Variants in LY6G6C observed in about 807,000 individuals in gnomAD.
The protein encoded by LY6G6C is lymphocyte antigen 6 complex locus protein G6c.
LY6G6C carries 12 observed loss-of-function variants against 12.8 expected under a neutral mutation model. The observed-to-expected ratio is 0.94, with a 90% CI of 0.60 to 1.52. The LOEUF (loss-of-function observed/expected upper bound fraction) is 1.52, where lower values mean the gene tolerates loss of function less well. Among genes scored for constraint, LY6G6C ranks in the 40% most tolerant of loss-of-function variants. The probability of loss-of-function intolerance (pLI) is 0.00; values close to 1 mark genes in which losing one functional copy is unlikely to be tolerated. For synonymous variants in LY6G6C, 42 were observed against 61.6 expected, an observed-to-expected ratio of 0.68 and a Z score of 1.49; for missense variants, 125 against 155.8, an observed-to-expected ratio of 0.80 and a Z score of 1.05.
chr6:31,719,448 C>T, intron 2 of LY6G6C, 138 bp from the exon 3 acceptor site: 2 of 692,056 alleles, frequency 2.9e-6, no homozygotes, highest in Non-Finnish European at 5.1e-6. Flanking sequence ...TTTTCTTAGT[C>T]TGATCTTCCT....
At position 31,718,707 on chromosome 6, in the gene LY6G6C, T is replaced by C. The variant is rs994351015; in HGVS notation, c.*389A>G. On this transcript the variant is annotated 3_prime_UTR_variant, in exon 3 of 3. Coordinates refer to ENST00000375819, the MANE Select transcript of LY6G6C (RefSeq NM_025261.3). ...AGGTGAGTATGGGGGATGGGGTACA[T>C]ATGGGAGCCTGGGTTTGGGGAGTCA... The C allele has an allele frequency of 3.7e-6, 1 of 273,816 alleles. No homozygotes were observed. The highest frequency in any genetic ancestry group is 6.9e-6 in the Non-Finnish European group (1 of 144,896). The allele number at this position is 273,816 out of a possible 1,614,324, so 17.0% of individuals were successfully genotyped here. A position where few individuals can be genotyped will look rare whatever the true frequency, so the allele number is the denominator to read the frequency against.
Position 31,719,281 on chromosome 6 carries a change from A to G in LY6G6C, c.193T>C (p.Cys65Arg), listed in dbSNP as rs1488878633. The stretch of plus-strand genomic sequence containing the variant: ...TGACAGGGCTCTTCTGGTGTGCCAC[A>G]GCGCAGATTGGAGAAAACCCACATC... ...GKMWVFSNLR[C>R]GTPEEPCQEA... The change falls in exon 3 of 3, where the codon TGT (cysteine) becomes CGT (arginine). Residue 65 changes from cysteine to arginine, a missense_variant. Coordinates refer to ENST00000375819, the MANE Select transcript of LY6G6C (RefSeq NM_025261.3). The G allele has an allele frequency of 5.6e-6, 9 of 1,614,176 alleles. No individual in the cohort carries two copies. In the East Asian group the frequency reaches 1.3e-4, roughly 24 times the overall value.
intron 1 of LY6G6C, 92 bp downstream of exon 1, chr6:31,721,536 C>A (rs1806783623): frequency 1.6e-6 from 2 of 1,218,898 alleles, no homozygotes; most frequent in South Asian, 1.3e-5. Flanking sequence ...GTGTTGGGAT[C>A]CCGAGTGGTG....
At position 31,718,690 on chromosome 6, in the gene LY6G6C, A is replaced by C; in HGVS notation, c.*406T>G. 1 of 240,248 alleles carries C rather than the reference A, an allele frequency of 4.2e-6. No individual in the cohort carries two copies. Among genetic ancestry groups the C allele is most frequent in the Admixed American group, 5.1e-5 (1 of 19,624 alleles). The allele number at this position is 240,248 out of a possible 1,614,324, so 14.9% of individuals were successfully genotyped here. Reference sequence around the variant, plus strand: ...TTACTCAAAATGGAAAGAGGTGAGTATGGGGGATGGGGTACATATGGGAGC... The same window carrying C: ...TTACTCAAAATGGAAAGAGGTGAGTCTGGGGGATGGGGTACATATGGGAGC... On this transcript the variant is annotated 3_prime_UTR_variant, in exon 3 of 3. Coordinates refer to ENST00000375819, the MANE Select transcript of LY6G6C (RefSeq NM_025261.3).
chr6:31,719,964 C>T (rs1806696155), intron 2 of LY6G6C, 129 bp downstream of exon 2: 5 of 644,214 alleles, frequency 7.8e-6, no homozygotes, highest in Non-Finnish European at 2.8e-6. Context: ...ACACAACCAT[C>T]TTTGGCCAAA....
At chr6:31,719,430 C>G (rs1191846098) in intron 2 of LY6G6C, 120 bp from the exon 3 acceptor site, 8 of 779,838 alleles carry the variant, frequency 1.0e-5, no homozygotes, top group Non-Finnish European at 1.7e-5. Context: ...CCTGGCCCTC[C>G]CCTTCTCTTT....
In LY6G6C at chr6:31,720,345, C is replaced by T; in HGVS notation, c.53-142G>A. Reference sequence around the variant, plus strand: ...GTTTGGCTGTTTGGTCTAGCAAGCACAGAGCAGGTGAGTGATGCAGGGAAA... The same window carrying T: ...GTTTGGCTGTTTGGTCTAGCAAGCATAGAGCAGGTGAGTGATGCAGGGAAA... On this transcript the variant is annotated intron_variant, in intron 1 of 2. Transcript: ENST00000375819. This position sits in a 1 kb window ranked among gnomAD's most constrained non-coding sequence, Gnocchi z 4.9. 1.6e-6 allele frequency: 1 copy of T among 625,684 alleles called. No individual in the cohort carries two copies. 38.8% of individuals were successfully genotyped at this position (625,684 alleles called of 1,614,324 possible). A position where few individuals can be genotyped will look rare whatever the true frequency, so the allele number is the denominator to read the frequency against.
rs770152716 is a variant in LY6G6C at position 31,720,204 on chromosome 6, C to A, written c.53-1G>T. 6.2e-7 allele frequency: 1 copy of A among 1,610,974 alleles called. No homozygotes were observed. The highest frequency in any genetic ancestry group is 1.7e-5 in the Admixed American group (1 of 59,992). ...TAGCAGGAGTGACAGCGAATGTCAG[C>A]TGGGAAGACACAAGTCAGGCTGAGG... On this transcript the variant is annotated splice_acceptor_variant, in intron 1 of 2. Coordinates refer to ENST00000375819, the MANE Select transcript of LY6G6C (RefSeq NM_025261.3). LOFTEE classifies it high-confidence loss of function. This position sits in a 1 kb window ranked among gnomAD's most constrained non-coding sequence, Gnocchi z 4.9.
chr6:31,718,740 A>T lies in LY6G6C; in HGVS notation c.*356T>A, dbSNP rs1011914488. 1.3e-5 allele frequency: 5 copies of T among 381,372 alleles called. No individual in the cohort carries two copies. Among genetic ancestry groups the T allele is most frequent in the Non-Finnish European group, 2.4e-5 (5 of 209,516 alleles). The allele number at this position is 381,372 out of a possible 1,614,324, so 23.6% of individuals were successfully genotyped here. On this transcript the variant is annotated 3_prime_UTR_variant, in exon 3 of 3. Transcript: ENST00000375819. ...CCTGGGTTTGGGGAGTCAGCTCTGT[A>T]CAGTGAGGTCATCAGGTCCTTGTGG...
rs1806651409 is a variant in LY6G6C at position 31,719,256 on chromosome 6, T to C, written c.218A>G (p.Gln73Arg). 1 of 1,614,194 alleles carries C rather than the reference T, an allele frequency of 6.2e-7. No homozygotes were observed. The highest frequency in any genetic ancestry group is 8.5e-7 in the Non-Finnish European group (1 of 1,180,014). Residue 73 changes from glutamine to arginine, a missense_variant, in exon 3 of 3, where the codon CAG becomes CGG. Gln to Arg is a conservative substitution (Grantham distance 43). Coordinates refer to ENST00000375819, the MANE Select transcript of LY6G6C (RefSeq NM_025261.3). Reference sequence around the variant, plus strand: ...GCGGTTGGTTTGGTTGAAGGCCTCCTGACAGGGCTCTTCTGGTGTGCCACA... The same window carrying C: ...GCGGTTGGTTTGGTTGAAGGCCTCCCGACAGGGCTCTTCTGGTGTGCCACA... Reference protein sequence around the residue: ...LRCGTPEEPCQEAFNQTNRKL... With the variant: ...LRCGTPEEPCREAFNQTNRKL...
At position 31,720,021 on chromosome 6, in the gene LY6G6C, C is replaced by T. The variant is rs1397359773; in HGVS notation, c.163+72G>A. 4 of 976,084 alleles carry T rather than the reference C, an allele frequency of 4.1e-6. No individual in the cohort carries two copies. The highest frequency in any genetic ancestry group is 6.5e-6 in the Non-Finnish European group (4 of 614,936). 60.5% of individuals were successfully genotyped at this position (976,084 alleles called of 1,614,324 possible). On this transcript the variant is annotated intron_variant, in intron 2 of 2. Coordinates refer to ENST00000375819, the MANE Select transcript of LY6G6C (RefSeq NM_025261.3). The surrounding 1 kb of genome is among the most constrained non-coding windows in gnomAD (Gnocchi z 4.9). ...CTGCTTCTCCATCTCAGTCTTAGAC[C>T]CATTTGGGCCTCAGTCCTGGTCATA...
At position 31,720,083 on chromosome 6, in the gene LY6G6C, G is replaced by A. The variant is rs758844483; in HGVS notation, c.163+10C>T. 21 of 1,603,664 alleles carry A rather than the reference G, an allele frequency of 1.3e-5. No individual in the cohort carries two copies. The highest frequency in any genetic ancestry group is 3.3e-5 in the South Asian group (3 of 90,686). On this transcript the variant is annotated intron_variant, in intron 2 of 2. Coordinates refer to ENST00000375819, the MANE Select transcript of LY6G6C (RefSeq NM_025261.3). This position sits in a 1 kb window ranked among gnomAD's most constrained non-coding sequence, Gnocchi z 4.9. ...CTCCCTGTTCACCCCACTAAGGAAG[G>A]GGATGTTACCAAGGTATGCATGTGT... is the stretch of plus-strand genomic sequence containing the variant.
In LY6G6C at chr6:31,720,293, G is replaced by C; in HGVS notation, c.53-90C>G. On this transcript the variant is annotated intron_variant, in intron 1 of 2. Coordinates refer to ENST00000375819, the MANE Select transcript of LY6G6C (RefSeq NM_025261.3). This position sits in a 1 kb window ranked among gnomAD's most constrained non-coding sequence, Gnocchi z 4.9. The stretch of plus-strand genomic sequence containing the variant: ...GGGGGCAGGGGTGGAGGGTGGAGAA[G>C]AGCCCATCCCGTAGGTGCTCCAACC... 1 of 879,590 alleles carries C rather than the reference G, an allele frequency of 1.1e-6. No homozygotes were observed. Among genetic ancestry groups the C allele is most frequent in the South Asian group, 1.4e-5 (1 of 69,036 alleles). 54.5% of individuals were successfully genotyped at this position (879,590 alleles called of 1,614,324 possible). A position where few individuals can be genotyped will look rare whatever the true frequency, so the allele number is the denominator to read the frequency against.
At position 31,718,905 on chromosome 6, in the gene LY6G6C, A is replaced by C; in HGVS notation, c.*191T>G. The C allele has an allele frequency of 3.4e-6, 2 of 590,520 alleles. No homozygotes were observed. Among genetic ancestry groups the C allele is most frequent in the South Asian group, 2.2e-5 (1 of 45,750 alleles). 36.6% of individuals were successfully genotyped at this position (590,520 alleles called of 1,614,324 possible). On this transcript the variant is annotated 3_prime_UTR_variant, in exon 3 of 3. Transcript: ENST00000375819. ...ATGGAGGTCCTGGAAGGAAGTGGGA[A>C]GGGACCCAGAAAAAGGAGAGTGAAG...
In LY6G6C at chr6:31,721,681, G is replaced by C; in HGVS notation, c.-2C>G. ...GGTGAGCAGCATAAGGGCTTTCATG[G>C]CGAGGGTCCTGAGAATGGTGGCAAC... is the stretch of plus-strand genomic sequence containing the variant. On this transcript the variant is annotated 5_prime_UTR_variant, in exon 1 of 3. Coordinates refer to ENST00000375819, the MANE Select transcript of LY6G6C (RefSeq NM_025261.3). The C allele has an allele frequency of 6.2e-7, 1 of 1,613,984 alleles. No individual in the cohort carries two copies. The highest frequency in any genetic ancestry group is 1.3e-5 in the African/African-American group (1 of 75,034).
Position 31,718,950 on chromosome 6 carries a change from G to T in LY6G6C, c.*146C>A. 1.5e-6 allele frequency: 1 copy of T among 672,392 alleles called. No individual in the cohort carries two copies. Among genetic ancestry groups the T allele is most frequent in the South Asian group, 1.9e-5 (1 of 53,094 alleles). 41.7% of individuals were successfully genotyped at this position (672,392 alleles called of 1,614,324 possible). ...GTGAAGGGTGTGAGGTGGGAAGGAT[G>T]GATGAGGAGACCACTCGGAACAGTG... On this transcript the variant is annotated 3_prime_UTR_variant, in exon 3 of 3. Transcript: ENST00000375819.
chr6:31,719,998 G>A, intron 2 of LY6G6C, 95 bp downstream of exon 2: 1 of 771,002 alleles, frequency 1.3e-6, no homozygotes, highest in South Asian at 1.7e-5. Context: ...ATAATCCTCT[G>A]CTTCTCCATC....
rs750156537 is a variant in LY6G6C, at chr6:31,719,289, T to C, written c.185A>G (p.Asn62Ser). 15 of 1,614,002 alleles carry C rather than the reference T, an allele frequency of 9.3e-6. No individual in the cohort carries two copies. Among genetic ancestry groups the C allele is most frequent in the African/African-American group, 8.0e-5 (6 of 74,874 alleles). ...CTCTTCTGGTGTGCCACAGCGCAGA[T>C]TGGAGAAAACCCACATCTTACCTAG... ...AYLGKMWVFS[N>S]LRCGTPEEPC... The change falls in exon 3 of 3, where the codon AAT (asparagine) becomes AGT (serine). Residue 62 changes from asparagine (N) to serine (S), a missense_variant. By Grantham distance (46) the Asn-to-Ser change is conservative. Coordinates refer to ENST00000375819, the MANE Select transcript of LY6G6C (RefSeq NM_025261.3).
In LY6G6C at chr6:31,718,721, T is replaced by G; in HGVS notation, c.*375A>C. ...GATGGGGTACATATGGGAGCCTGGG[T>G]TTGGGGAGTCAGCTCTGTACAGTGA... On this transcript the variant is annotated 3_prime_UTR_variant, in exon 3 of 3. Transcript: ENST00000375819. 1.7e-5 allele frequency: 5 copies of G among 287,140 alleles called. No individual in the cohort carries two copies. The highest frequency in any genetic ancestry group is 2.6e-5 in the Non-Finnish European group (4 of 153,488). 17.8% of individuals were successfully genotyped at this position (287,140 alleles called of 1,614,324 possible).
Sources: allele counts gnomAD v4.1 joint callset, GRCh38; gene constraint gnomAD v4.1.1; non-coding constraint Gnocchi (gnomAD v3.1); transcripts MANE v1.5; gene names NCBI Gene and HGNC (gene_info 2026-07-23, HGNC 2026-07-21).